The following SLC14A2 variants were observed in gnomAD, a reference collection of about 807,000 sequenced individuals.
SLC14A2 encodes urea transporter 2.
A neutral mutation model predicts 104.6 loss-of-function variants in SLC14A2; 91 were observed. The observed-to-expected ratio is 0.87, with a 90% CI of 0.73 to 1.04. SLC14A2 has a LOEUF of 1.04. Ranked by LOEUF, SLC14A2 falls within the 50% of genes least tolerant of loss-of-function variation. The pLI, the probability that SLC14A2 is intolerant of heterozygous loss-of-function variation, is 0.00. For synonymous variants in SLC14A2, 476 were observed against 466.4 expected, an observed-to-expected ratio of 1.02 and a Z score of -0.27; for missense variants, 1,189 against 1,156.0, an observed-to-expected ratio of 1.03 and a Z score of -0.41.
At chr18:45,631,809 T>C (rs1053182856) in intron 4 of SLC14A2, among the ~76,000 whole-genome samples, 60 of 152,152 alleles carry the variant, frequency 3.9e-4, no homozygotes, top group African/African-American at 1.4e-3. Context: ...TTAGCAGAGA[T>C]GGGGTTTCAC....
At chr18:45,319,211 C>A (rs1353351187) in intron 1 of SLC14A2, among the ~76,000 whole-genome samples, 1 of 152,200 alleles carries the variant, frequency 6.6e-6, no homozygotes, top group Non-Finnish European at 1.5e-5. Context: ...CGAAGACAGC[C>A]TCCTTGATGA....
chr18:45,669,929 G>A (rs1252808890), intron 16 of SLC14A2, among the ~76,000 whole-genome samples: 3 of 152,202 alleles, frequency 2.0e-5, no homozygotes, highest in African/African-American at 7.2e-5. Flanking sequence ...CCATCTATTG[G>A]CTTAAGAAGT....
intron 2 of SLC14A2, among the ~76,000 whole-genome samples, chr18:45,548,071 C>T (rs978692717): frequency 3.3e-5 from 5 of 152,094 alleles, no homozygotes; most frequent in South Asian, 2.1e-4. Context: ...TTTCTGATGT[C>T]GGGAAACTCA....
chr18:45,542,044 T>TG (rs1568268276), intron 2 of SLC14A2, among the ~76,000 whole-genome samples: 4 of 120,946 alleles, frequency 3.3e-5, no homozygotes, highest in African/African-American at 8.8e-5. Context: ...GGTTTTTTTT[T>TG]TTTTTTTTTT....
Position 45,533,837 on chromosome 18 carries a change from G to C in SLC14A2, c.-35+50515G>C, listed in dbSNP as rs530821438. On this transcript the variant is annotated intron_variant, in intron 2 of 20. Transcript: ENST00000586448. The stretch of plus-strand genomic sequence containing the variant: ...TCCTGCTTTCTCTTGTGGGCATTTA[G>C]TGCTATAAATGTCCCTCTACACACT... 3.4e-4 allele frequency among the ~76,000 whole-genome samples: 52 copies of C among 152,260 alleles called. No individual in the cohort carries two copies. The South Asian group carries it at 8.1e-3, about 24-fold the overall frequency.
chr18:45,482,966 G>A (rs983350766), intron 1 of SLC14A2, among the ~76,000 whole-genome samples: 5 of 152,128 alleles, frequency 3.3e-5, no homozygotes, highest in East Asian at 3.9e-4. Context: ...TCCCTGTTTT[G>A]TAAACTAAGA....
At chr18:45,525,399 G>T (rs2043580879) in intron 2 of SLC14A2, among the ~76,000 whole-genome samples, 1 of 152,140 alleles carries the variant, frequency 6.6e-6, no homozygotes, top group Non-Finnish European at 1.5e-5. Context: ...TAGTGCTGCT[G>T]GTGCATCCAC....
intron 2 of SLC14A2, among the ~76,000 whole-genome samples, chr18:45,604,143 T>G (rs1274879464): frequency 6.6e-6 from 1 of 152,196 alleles, no homozygotes; most frequent in African/African-American, 2.4e-5. Flanking sequence ...GTAGTGCCAT[T>G]TTGTCAATCC....
At chr18:45,226,985 C>T (rs190819315) in intron 1 of SLC14A2, among the ~76,000 whole-genome samples, 11 of 152,234 alleles carry the variant, frequency 7.2e-5, no homozygotes, top group Non-Finnish European at 1.2e-4. Context: ...TCATGCTCAG[C>T]ACCTTCTTGT....
intron 2 of SLC14A2, among the ~76,000 whole-genome samples, chr18:45,524,428 A>AG (rs1362510715): frequency 6.6e-6 from 1 of 152,188 alleles, no homozygotes; most frequent in Admixed American, 6.5e-5. Flanking sequence ...GAAAAGACAA[A>AG]GGCAGTGAGA....
intron 2 of SLC14A2, among the ~76,000 whole-genome samples, chr18:45,563,318 G>T (rs1435755112): frequency 6.6e-6 from 1 of 152,210 alleles, no homozygotes; most frequent in Non-Finnish European, 1.5e-5. Context: ...GTGACCGGGA[G>T]CTCTCTGTAG....
At chr18:45,469,907 T>C (rs2543005) in intron 1 of SLC14A2, among the ~76,000 whole-genome samples, 33,373 of 152,126 alleles carry the variant, frequency 0.22, 3,933 homozygotes, top group Non-Finnish European at 0.27. Flanking sequence ...TGGGGAGCTA[T>C]GAAAGGAATG....
At chr18:45,673,105 A>G in intron 17 of SLC14A2, 58 bp downstream of exon 17, 2 of 1,521,138 alleles carry the variant, frequency 1.3e-6, no homozygotes, top group Non-Finnish European at 1.8e-6. Context: ...CCAGCTCCAA[A>G]TAAAATGGTG....
intron 1 of SLC14A2, among the ~76,000 whole-genome samples, chr18:45,387,005 C>T (rs529117012): frequency 1.3e-5 from 2 of 152,316 alleles, no homozygotes; most frequent in African/African-American, 4.8e-5. Context: ...TCCCTCTAGA[C>T]CTTGGCTTAA....
At chr18:45,398,646 G>A (rs1579273) in intron 1 of SLC14A2, among the ~76,000 whole-genome samples, 83,595 of 151,648 alleles carry the variant, frequency 0.55, 23,410 homozygotes, top group Admixed American at 0.63. Flanking sequence ...GACACGCGCT[G>A]CAACCTGGAT....
At chr18:45,310,319 C>G (rs944392193) in intron 1 of SLC14A2, among the ~76,000 whole-genome samples, 1 of 152,180 alleles carries the variant, frequency 6.6e-6, no homozygotes, top group Non-Finnish European at 1.5e-5. Flanking sequence ...CTGAAGGGTT[C>G]CATGGTGCTA....
At chr18:45,184,530 A>G in the SLC14A2 span, among the ~76,000 whole-genome samples, 55,235 of 152,076 alleles carry the variant, frequency 0.36, 11,165 homozygotes, top group Non-Finnish European at 0.47. Context: ...TCTCACACCA[A>G]GCCCACAAAA....
intron 1 of SLC14A2, among the ~76,000 whole-genome samples, chr18:45,334,651 G>C (rs182705134): frequency 2.6e-5 from 4 of 152,224 alleles, no homozygotes; most frequent in Admixed American, 6.5e-5. Context: ...ATTTTGCCTT[G>C]ATCTTTCTTT....
intron 2 of SLC14A2, among the ~76,000 whole-genome samples, chr18:45,553,881 A>G (rs1466780107): frequency 1.3e-5 from 2 of 152,184 alleles, no homozygotes; most frequent in African/African-American, 2.4e-5. Flanking sequence ...AACACGCTCA[A>G]TAAGAATTTG....
Sources: allele counts gnomAD v4.1 joint callset (sites outside exome capture counted in the v4.1 genomes callset), GRCh38; gene constraint gnomAD v4.1.1; transcripts MANE v1.5; gene names NCBI Gene and HGNC (gene_info 2026-07-23, HGNC 2026-07-21).